PATJ: variants seen among roughly 807,000 people sequenced by gnomAD.
The protein encoded by PATJ is inaD-like protein.
PATJ carries 190 observed loss-of-function variants against 224.9 expected under a neutral mutation model. The ratio of observed to expected loss-of-function variants is 0.84; its 90% CI spans 0.75 to 0.95. The LOEUF (loss-of-function observed/expected upper bound fraction) is 0.95. PATJ is among the 40% of genes least tolerant of loss of function. PATJ has a pLI of 0.00. For synonymous variants in PATJ, 769 were observed against 820.3 expected, an observed-to-expected ratio of 0.94 and a Z score of 1.07; for missense variants, 2,121 against 2,270.3, an observed-to-expected ratio of 0.93 and a Z score of 1.34.
chr1:61,866,180 A>C (rs1665394391), intron 20 of PATJ, among the ~76,000 whole-genome samples: 1 of 152,212 alleles, frequency 6.6e-6, no homozygotes, highest in African/African-American at 2.4e-5. Flanking sequence ...AGTTATATGA[A>C]TCAAATTGGA....
At chr1:61,973,832 T>C (rs900182551) in intron 27 of PATJ, among the ~76,000 whole-genome samples, 2 of 152,050 alleles carry the variant, frequency 1.3e-5, no homozygotes, top group Non-Finnish European at 2.9e-5. Context: ...TAAAGCATGT[T>C]TACTGTTTTA....
chr1:61,851,822 A>C (rs1416087773), intron 17 of PATJ, among the ~76,000 whole-genome samples: 3 of 152,120 alleles, frequency 2.0e-5, no homozygotes, highest in African/African-American at 7.2e-5. Context: ...ATCAGAAGAG[A>C]TAAAAGGCTG....
chr1:62,032,963 G>C (rs1388557698), intron 29 of PATJ, among the ~76,000 whole-genome samples: 1 of 152,106 alleles, frequency 6.6e-6, no homozygotes, highest in Non-Finnish European at 1.5e-5. Context: ...GCTCTCCTGA[G>C]AACTCACTCA....
In PATJ at chr1:62,128,078, G is replaced by C; in HGVS notation, c.5150G>C (p.Arg1717Pro). The C allele has an allele frequency of 6.2e-7, 1 of 1,614,058 alleles. No individual in the cohort carries two copies. The highest frequency in any genetic ancestry group is 8.5e-7 in the Non-Finnish European group (1 of 1,179,998). ...AMIQASGVAA[R>P]TQKLKVGDRI... ...ATTCAGGCTAGCGGAGTGGCCGCACGGACACAGAAGCTTAAAGTAAACGAG... is the reference window on the plus strand; with the variant it reads ...ATTCAGGCTAGCGGAGTGGCCGCACCGACACAGAAGCTTAAAGTAAACGAG... The change falls in exon 40 of 44, where the codon CGG (arginine) becomes CCG (proline). Residue 1717 changes from arginine (R) to proline (P), a missense_variant. Arg to Pro is a moderately radical substitution (Grantham distance 103, BLOSUM62 -2). Coordinates refer to ENST00000642238, the MANE Select transcript of PATJ (RefSeq NM_001350145.3).
chr1:61,777,409 A>G (rs529386996), intron 7 of PATJ, among the ~76,000 whole-genome samples: 2 of 152,236 alleles, frequency 1.3e-5, no homozygotes, highest in African/African-American at 2.4e-5. Context: ...TACAAAAGAC[A>G]CAAAAGTTAG....
At position 61,796,741 on chromosome 1, in the gene PATJ, T is replaced by TTTCTTTCTTTCTTTC. The variant is rs373367263; in HGVS notation, c.1261-544_1261-543insCTTTCTTTCTTTCTT. On this transcript the variant is annotated intron_variant, in intron 10 of 43. Coordinates refer to ENST00000642238, the MANE Select transcript of PATJ (RefSeq NM_001350145.3). ...TTCTTTCTTTTTCTTTCTTTCTTTC[T>TTTCTTTCTTTCTTTC]TTTTTTTCTTCCTTTCTTCCTTTCT... Among the ~76,000 whole-genome samples, 157 of 45,852 alleles carry TTTCTTTCTTTCTTTC rather than the reference T, an allele frequency of 3.4e-3. 9 individuals are homozygous for TTTCTTTCTTTCTTTC. The highest frequency in any genetic ancestry group is 7.0e-3 in the African/African-American group (114 of 16,336). The allele number at this position is 45,852 out of a possible 152,430, so 30.1% of individuals were successfully genotyped here.
intron 1 of PATJ, among the ~76,000 whole-genome samples, chr1:61,754,758 T>C (rs2148218574): frequency 6.6e-6 from 1 of 152,142 alleles, no homozygotes; most frequent in South Asian, 2.1e-4. Context: ...TAGTTTAACC[T>C]TACTAATTAT....
chr1:61,960,505 T>A (rs1054058941), intron 27 of PATJ, among the ~76,000 whole-genome samples: 1 of 151,502 alleles, frequency 6.6e-6, no homozygotes, highest in South Asian at 2.1e-4. Context: ...CTACTAAAAA[T>A]ACAAAAAATT....
Position 61,766,295 on chromosome 1 carries a change from C to T in PATJ, c.206C>T (p.Ser69Leu), listed in dbSNP as rs745498341. 2 of 1,608,118 alleles carry T rather than the reference C, an allele frequency of 1.2e-6. No individual in the cohort carries two copies. Among genetic ancestry groups the T allele is most frequent in the Admixed American group, 3.4e-5 (2 of 59,104 alleles). ...CTCCAACAGCTCAACCATATACCCT[C>T]AGATTGTTCAGCCAACTTTGATTTT... ...QLKGQLNHIP[S>L]DCSANFDFSR... Residue 69 changes from serine to leucine, a missense_variant, in exon 4 of 44, where the codon TCA becomes TTA. Transcript: ENST00000642238.
chr1:62,045,589 G>A (rs546762015), intron 30 of PATJ, among the ~76,000 whole-genome samples: 1 of 152,230 alleles, frequency 6.6e-6, no homozygotes, highest in South Asian at 2.1e-4. Flanking sequence ...CACTGACTGT[G>A]ATCTCATAGG....
intron 3 of PATJ, among the ~76,000 whole-genome samples, chr1:61,765,711 C>A (rs189435916): frequency 1.4e-5 from 2 of 138,772 alleles, no homozygotes; most frequent in African/African-American, 2.8e-5. Context: ...TAAGTGGCTC[C>A]GTGACTCACT....
At chr1:62,133,311 G>T (rs965238763) in intron 41 of PATJ, among the ~76,000 whole-genome samples, 3 of 152,144 alleles carry the variant, frequency 2.0e-5, no homozygotes, top group African/African-American at 7.2e-5. Context: ...GCCAGGCGTG[G>T]TGGCTCATAC....
At chr1:61,822,525 G>A (rs1048756246) in intron 14 of PATJ, among the ~76,000 whole-genome samples, 1 of 152,120 alleles carries the variant, frequency 6.6e-6, no homozygotes, top group Non-Finnish European at 1.5e-5. Flanking sequence ...AACCCCAGAT[G>A]GAGGCTCATG....
intron 28 of PATJ, among the ~76,000 whole-genome samples, chr1:62,012,788 T>TC (rs1491281333): frequency 1.4e-5 from 2 of 146,680 alleles, no homozygotes; most frequent in African/African-American, 5.0e-5. Flanking sequence ...AAATGTGTTA[T>TC]TTTTTTTTTC....
At chr1:62,092,051 C>CAA (rs574301543) in intron 33 of PATJ, among the ~76,000 whole-genome samples, 4,351 of 83,628 alleles carry the variant, frequency 0.052, 152 homozygotes, top group East Asian at 0.12. Context: ...GACCCTGTCT[C>CAA]AAAAAAAAAA....
intron 30 of PATJ, among the ~76,000 whole-genome samples, chr1:62,043,380 C>T (rs1279055621): frequency 6.6e-6 from 1 of 152,162 alleles, no homozygotes; most frequent in Non-Finnish European, 1.5e-5. Flanking sequence ...AGTGTTCTAC[C>T]ATTTACTAGC....
chr1:62,155,442 A>G (rs1669086310), intron 43 of PATJ, among the ~76,000 whole-genome samples: 1 of 152,142 alleles, frequency 6.6e-6, no homozygotes, highest in Non-Finnish European at 1.5e-5. Context: ...TACAGCTAAG[A>G]GTAAAATGGC....
chr1:61,962,441 A>C lies in PATJ; in HGVS notation c.3671-27727A>C, dbSNP rs893047125. On this transcript the variant is annotated intron_variant, in intron 27 of 43. Transcript: ENST00000642238. The stretch of plus-strand genomic sequence containing the variant: ...TATTCATTTCAGATACACTGTCTGG[A>C]GTTTAGTTTTCAGTTATTTTTACAA... Among the ~76,000 whole-genome samples the C allele has an allele frequency of 3.9e-5, 6 of 152,122 alleles. No individual in the cohort carries two copies. In the East Asian group the frequency reaches 9.6e-4, roughly 24 times the overall value.
Position 61,872,691 on chromosome 1 carries a change from G to A in PATJ, c.2836-2552G>A, listed in dbSNP as rs536134163. On this transcript the variant is annotated intron_variant, in intron 20 of 43. Coordinates refer to ENST00000642238, the MANE Select transcript of PATJ (RefSeq NM_001350145.3). ...TATCATGACCTGCAAAACTAATAGG[G>A]TCCAAATTACCCTTACGCTCCTGCT... is the stretch of plus-strand genomic sequence containing the variant. Among the ~76,000 whole-genome samples the A allele has an allele frequency of 3.3e-5, 5 of 152,240 alleles. No homozygotes were observed. In the East Asian group the frequency reaches 9.6e-4, roughly 29 times the overall value.
Sources: gnomAD v4.1 joint callset for allele counts (sites outside exome capture counted in the v4.1 genomes callset) on GRCh38, gnomAD v4.1.1 for gene constraint, MANE v1.5 for transcripts, NCBI Gene and HGNC (gene_info 2026-07-23, HGNC 2026-07-21) for gene names.